CCDC149: variants seen among roughly 807,000 people sequenced by gnomAD.
CCDC149 encodes the protein coiled-coil domain-containing protein 149.
A neutral mutation model predicts 59.9 loss-of-function variants in CCDC149; 45 were observed. That is an observed-to-expected ratio of 0.75 (90% confidence interval 0.59 to 0.96). CCDC149 has a LOEUF of 0.96. CCDC149 is among the 40% of genes least tolerant of loss of function. CCDC149 has a pLI of 0.00. For missense variants in CCDC149, 584 were observed against 664.7 expected (o/e 0.88, Z 1.33); for synonymous variants, 245 against 260.6 (o/e 0.94, Z 0.58).
At chr4:24,974,314 C>T (rs1038506357) in intron 1 of CCDC149, among the ~76,000 whole-genome samples, 1 of 152,194 alleles carries the variant, frequency 6.6e-6, no homozygotes, top group African/African-American at 2.4e-5. Context: ...AGTCAGAACC[C>T]TAGAGGGGTG....
In CCDC149 at chr4:24,913,017, G is replaced by A. The variant is rs1327660262; in HGVS notation, c.-138C>T. ...GCGCCGCCGCCTCTCGCGGCCGCCA[G>A]CGCTGTTGACTCCACGTCAGCCTCC... On this transcript the variant is annotated 5_prime_UTR_variant, in exon 1 of 13. Transcript: ENST00000635206. 1 of 214,506 alleles carries A rather than the reference G, an allele frequency of 4.7e-6. No individual in the cohort carries two copies. The highest frequency in any genetic ancestry group is 8.2e-6 in the Non-Finnish European group (1 of 122,660). The allele number at this position is 214,506 out of a possible 1,614,324, so 13.3% of individuals were successfully genotyped here.
intron 1 of CCDC149, among the ~76,000 whole-genome samples, chr4:24,976,702 C>T (rs1577518947): frequency 1.3e-5 from 2 of 152,084 alleles, no homozygotes; most frequent in East Asian, 3.9e-4. Context: ...GGCAACAGAG[C>T]GAGACTGACT....
rs1240612915 is a variant in CCDC149 at position 24,931,259 on chromosome 4, A to G, written c.-64-36141T>C. ...TATTTGTATATATTGTATAATATGC[A>G]TATGTATCTGTGTATGTATATGTGT... On this transcript the variant is annotated intron_variant, in intron 1 of 12. Coordinates refer to the CCDC149 transcript ENST00000389609. Among the ~76,000 whole-genome samples, 3 of 147,954 alleles carry G rather than the reference A, an allele frequency of 2.0e-5. No individual in the cohort carries two copies. In the East Asian group the frequency reaches 5.8e-4, roughly 29 times the overall value.
intron 1 of CCDC149, among the ~76,000 whole-genome samples, chr4:24,959,095 T>A (rs995811849): frequency 1.3e-5 from 2 of 150,540 alleles, no homozygotes; most frequent in African/African-American, 4.9e-5. Flanking sequence ...TGCCTCAGCC[T>A]CCTGAGTAGC....
At chr4:24,903,024 C>CAGAAA (rs1721264084) in intron 1 of CCDC149, among the ~76,000 whole-genome samples, 2 of 52,508 alleles carry the variant, frequency 3.8e-5, no homozygotes, top group Non-Finnish European at 6.7e-5. Flanking sequence ...GAGTCTAACT[C>CAGAAA]AAAAAAAAAA....
At chr4:24,948,050 C>T (rs895244358) in intron 1 of CCDC149, among the ~76,000 whole-genome samples, 4 of 152,232 alleles carry the variant, frequency 2.6e-5, no homozygotes, top group East Asian at 3.9e-4. Context: ...TGTTCATGGA[C>T]GTTACTTTAA....
chr4:24,892,547 T>C (rs1720588816), intron 1 of CCDC149, among the ~76,000 whole-genome samples: 1 of 152,194 alleles, frequency 6.6e-6, no homozygotes, highest in East Asian at 1.9e-4. Context: ...CCTGATGGGC[T>C]CAGATTTCAG....
intron 1 of CCDC149, among the ~76,000 whole-genome samples, chr4:24,909,482 T>C (rs1266404518): frequency 1.3e-5 from 2 of 152,172 alleles, no homozygotes; most frequent in Non-Finnish European, 2.9e-5. Context: ...GGCAGGGGAA[T>C]TACCTGGGCA....
chr4:24,977,940 C>G (rs540296625), intron 1 of CCDC149, among the ~76,000 whole-genome samples: 4 of 152,302 alleles, frequency 2.6e-5, no homozygotes, highest in African/African-American at 9.6e-5. Context: ...CAAGTCCAGC[C>G]TGGGTAACAT....
At chr4:24,861,593 T>C (rs1330613997) in intron 3 of CCDC149, among the ~76,000 whole-genome samples, 1 of 151,224 alleles carries the variant, frequency 6.6e-6, no homozygotes, top group Admixed American at 6.6e-5. Flanking sequence ...AAGAACTTAC[T>C]CATGTAACCA....
chr4:24,816,468 C>G lies in CCDC149; in HGVS notation c.1192+3391G>C, dbSNP rs560855199. Among the ~76,000 whole-genome samples the G allele has an allele frequency of 2.2e-4, 34 of 152,178 alleles. 1 individual carries two copies. The South Asian group carries it at 7.1e-3, about 32-fold the overall frequency. ...GACAAAAAAAGGTTACTAAAAATGT[C>G]ACAAGCGTTGAGCTATCACTGGGAC... On this transcript the variant is annotated intron_variant, in intron 12 of 12. Coordinates refer to ENST00000635206, the MANE Select transcript of CCDC149 (RefSeq NM_001330643.2).
intron 3 of CCDC149, among the ~76,000 whole-genome samples, chr4:24,865,036 A>G (rs1718614163): frequency 6.6e-6 from 1 of 152,142 alleles, no homozygotes; most frequent in Admixed American, 6.5e-5. Flanking sequence ...TCTACACCAT[A>G]ATATAAAAAT....
chr4:24,833,453 G>A (rs800459), intron 8 of CCDC149, among the ~76,000 whole-genome samples: 75,396 of 151,744 alleles, frequency 0.5, 20,346 homozygotes, highest in Non-Finnish European at 0.61. Context: ...GTGGAACCCC[G>A]TCTCTACTAA....
intron 3 of CCDC149, among the ~76,000 whole-genome samples, chr4:24,868,115 G>C (rs1718811675): frequency 6.6e-6 from 1 of 152,140 alleles, no homozygotes; most frequent in Admixed American, 6.6e-5. Context: ...CATAACACAG[G>C]AGACCCCATC....
intron 4 of CCDC149, among the ~76,000 whole-genome samples, chr4:24,838,548 C>T (rs1278740154): frequency 6.6e-6 from 1 of 151,984 alleles, no homozygotes; most frequent in African/African-American, 2.4e-5. Context: ...ACTCTGGTTC[C>T]CATTAAAATT....
chr4:24,819,711 C>G, intron 12 of CCDC149, 148 bp downstream of exon 12: 2 of 700,528 alleles, frequency 2.9e-6, no homozygotes, highest in South Asian at 3.2e-5. Flanking sequence ...GATGAACCCA[C>G]ATAAGCAACA....
chr4:24,831,655 A>G lies in CCDC149; in HGVS notation c.821-5T>C. ...CCTCAGATAGCAGATCCTGAACTAGATAGGATACAAAATGTATAACTCAGT... is the reference window on the plus strand; with the variant it reads ...CCTCAGATAGCAGATCCTGAACTAGGTAGGATACAAAATGTATAACTCAGT... On this transcript the variant is annotated splice_polypyrimidine_tract_variant and splice_region_variant and intron_variant, in intron 8 of 12. Coordinates refer to ENST00000635206, the MANE Select transcript of CCDC149 (RefSeq NM_001330643.2). The G allele has an allele frequency of 1.9e-6, 3 of 1,612,122 alleles. No homozygotes were observed. The highest frequency in any genetic ancestry group is 2.5e-6 in the Non-Finnish European group (3 of 1,179,328).
At position 24,838,208 on chromosome 4, in the gene CCDC149, G is replaced by A; in HGVS notation, c.437C>T (p.Ala146Val). 1.2e-6 allele frequency: 2 copies of A among 1,614,178 alleles called. No individual in the cohort carries two copies. Among genetic ancestry groups the A allele is most frequent in the Non-Finnish European group, 1.7e-6 (2 of 1,180,018 alleles). Residue 146 changes from alanine to valine, a missense_variant, in exon 5 of 13, where the codon GCA (alanine) becomes GTA (valine). Physicochemically the swap from Ala to Val is moderately conservative, Grantham distance 64. Coordinates refer to ENST00000635206, the MANE Select transcript of CCDC149 (RefSeq NM_001330643.2). Reference sequence around the variant, plus strand: ...CACCAAGTCTTCACGCTCATGGGCTGCAAAGTGTCGCACGCCGATTGCTTC... The same window carrying A: ...CACCAAGTCTTCACGCTCATGGGCTACAAAGTGTCGCACGCCGATTGCTTC...
chr4:24,853,615 G>A (rs1052712779), intron 3 of CCDC149, among the ~76,000 whole-genome samples: 5 of 151,120 alleles, frequency 3.3e-5, no homozygotes, highest in Admixed American at 3.3e-4. Flanking sequence ...AAGAGAGAGA[G>A]AGAGAATTTA....
Sources: gnomAD v4.1 joint callset for allele counts (sites outside exome capture counted in the v4.1 genomes callset) on GRCh38, gnomAD v4.1.1 for gene constraint, MANE v1.5 for transcripts, NCBI Gene and HGNC (gene_info 2026-07-23, HGNC 2026-07-21) for gene names.